The following SLC44A5 variants were observed in gnomAD, a reference collection of about 807,000 sequenced individuals.
SLC44A5 encodes choline transporter-like protein 5.
In SLC44A5, 57 loss-of-function variants were observed where a neutral mutation model predicts 101.8. The ratio of observed to expected loss-of-function variants is 0.56; its 90% CI spans 0.45 to 0.70. The LOEUF (loss-of-function observed/expected upper bound fraction) is 0.70. Among genes scored for constraint, SLC44A5 ranks in the 30% least tolerant of loss-of-function variants. The pLI is 0.00. For missense variants in SLC44A5, 737 were observed against 853.1 expected, an observed-to-expected ratio of 0.86 and a Z score of 1.70; for synonymous variants, 281 against 290.9, an observed-to-expected ratio of 0.97 and a Z score of 0.35.
chr1:75,608,523 T>C (rs759256188), intron 1 of SLC44A5, among the ~76,000 whole-genome samples: 5 of 152,048 alleles, frequency 3.3e-5, no homozygotes, highest in Non-Finnish European at 7.4e-5. Flanking sequence ...AGTCAGATCA[T>C]ATTTTTCCTC....
intron 6 of SLC44A5, among the ~76,000 whole-genome samples, chr1:75,254,745 A>T (rs1441682677): frequency 6.6e-6 from 1 of 152,128 alleles, no homozygotes; most frequent in African/African-American, 2.4e-5. Context: ...ATCATGAAAC[A>T]TGCTAGACTG....
chr1:75,703,592 C>T, the SLC44A5 span, among the ~76,000 whole-genome samples: 3 of 151,604 alleles, frequency 2.0e-5, no homozygotes, highest in East Asian at 1.9e-4. Context: ...AGCACACCAA[C>T]ATGTCACATG....
chr1:75,386,947 C>A (rs533586654), intron 3 of SLC44A5, among the ~76,000 whole-genome samples: 12 of 151,782 alleles, frequency 7.9e-5, no homozygotes, highest in Admixed American at 2.6e-4. Flanking sequence ...CTGAAAAAAA[C>A]AAGCAATGGG....
At chr1:75,661,387 T>TAAG in the SLC44A5 span, among the ~76,000 whole-genome samples, 1 of 53,600 alleles carries the variant, frequency 1.9e-5, no homozygotes. Context: ...CTACTGCAAG[T>TAAG]AAAAAAAAAA....
chr1:75,376,422 G>A (rs1390959199), intron 3 of SLC44A5, among the ~76,000 whole-genome samples: 1 of 152,138 alleles, frequency 6.6e-6, no homozygotes, highest in African/African-American at 2.4e-5. Flanking sequence ...AACCTCTGCA[G>A]ACTTAAATGT....
chr1:75,671,878 A>T, the SLC44A5 span, among the ~76,000 whole-genome samples: 1 of 152,204 alleles, frequency 6.6e-6, no homozygotes, highest in Non-Finnish European at 1.5e-5. Context: ...TTATTTTCAC[A>T]TGGATTCTTA....
rs146874436 is a variant in SLC44A5, at chr1:75,494,569, C to A, written c.13+46866G>T. The stretch of plus-strand genomic sequence containing the variant: ...AGAGCTCCTTCTCTGGGAATAAAAC[C>A]AAGCCTCCAACTTCTCCCTAGGAGT... On this transcript the variant is annotated intron_variant, in intron 2 of 23. Transcript: ENST00000370859. 4.3e-3 allele frequency among the ~76,000 whole-genome samples: 654 copies of A among 152,232 alleles called. 1 individual carries two copies. The highest frequency in any genetic ancestry group is 0.015 in the African/African-American group (628 of 41,546).
At chr1:75,585,426 T>C (rs1344649856) in intron 1 of SLC44A5, among the ~76,000 whole-genome samples, 1 of 152,222 alleles carries the variant, frequency 6.6e-6, no homozygotes, top group Non-Finnish European at 1.5e-5. Context: ...TCTCGAAGCC[T>C]CAATATTCAT....
chr1:75,374,013 A>T (rs1660401977), intron 3 of SLC44A5, among the ~76,000 whole-genome samples: 1 of 152,104 alleles, frequency 6.6e-6, no homozygotes, highest in Non-Finnish European at 1.5e-5. Context: ...CCTCCACCAG[A>T]CCAGTCCAGA....
intron 2 of SLC44A5, among the ~76,000 whole-genome samples, chr1:75,399,905 G>A (rs914029758): frequency 2.0e-5 from 3 of 152,062 alleles, no homozygotes; most frequent in Non-Finnish European, 4.4e-5. Flanking sequence ...AGAACTGTTC[G>A]AAATACCAAA....
the SLC44A5 span, among the ~76,000 whole-genome samples, chr1:75,702,387 T>C: frequency 6.6e-6 from 1 of 152,086 alleles, no homozygotes; most frequent in East Asian, 1.9e-4. Flanking sequence ...TTGACAAACC[T>C]GATAAAAACA....
rs755473811 is a variant in SLC44A5, at chr1:75,237,082, G to A, written c.657-12C>T. 8 of 1,548,674 alleles carry A rather than the reference G, an allele frequency of 5.2e-6. No homozygotes were observed. The highest frequency in any genetic ancestry group is 7.1e-6 in the Non-Finnish European group (8 of 1,125,580). ...GTTTATTGATACCACTGCATTGAAA[G>A]AAGGGAAAAAATCAATTATTTTTTG... On this transcript the variant is annotated splice_polypyrimidine_tract_variant and intron_variant, in intron 10 of 23. Coordinates refer to ENST00000370859, the MANE Select transcript of SLC44A5 (RefSeq NM_001130058.2).
At chr1:75,536,136 C>G (rs1004597422) in intron 2 of SLC44A5, among the ~76,000 whole-genome samples, 1 of 151,822 alleles carries the variant, frequency 6.6e-6, no homozygotes, top group Non-Finnish European at 1.5e-5. Flanking sequence ...GTAGAAAGGA[C>G]TTGATAGGGA....
chr1:75,625,650 GC>G, the SLC44A5 span, among the ~76,000 whole-genome samples: 1 of 152,034 alleles, frequency 6.6e-6, no homozygotes, highest in African/African-American at 2.4e-5. Context: ...CAATTTTTGA[GC>G]CCCTATTTGG....
intron 4 of SLC44A5, among the ~76,000 whole-genome samples, chr1:75,317,405 T>C (rs930958455): frequency 2.6e-5 from 4 of 152,256 alleles, no homozygotes; most frequent in African/African-American, 9.6e-5. Context: ...TACTGGTTGC[T>C]GGAATAGATA....
chr1:75,332,109 T>C (rs1169456161), intron 4 of SLC44A5, among the ~76,000 whole-genome samples: 1 of 152,192 alleles, frequency 6.6e-6, no homozygotes, highest in Non-Finnish European at 1.5e-5. Flanking sequence ...GGGCATGTAA[T>C]AGATGCCCAT....
chr1:75,645,951 T>C, the SLC44A5 span, among the ~76,000 whole-genome samples: 2 of 132,122 alleles, frequency 1.5e-5, 1 homozygote, highest in Admixed American at 1.5e-4. Context: ...TAGATGTGTG[T>C]TATTATTTCT....
chr1:75,536,624 A>AAG lies in SLC44A5; in HGVS notation c.13+4810_13+4811insCT, dbSNP rs58064515. 1.2e-4 allele frequency among the ~76,000 whole-genome samples: 5 copies of AAG among 42,458 alleles called. No individual in the cohort carries two copies. The Admixed American group carries it at 1.3e-3, about 11-fold the overall frequency. The allele number at this position is 42,458 out of a possible 152,430, so 27.9% of individuals were successfully genotyped here. ...TCAAAAAAAAAAAAAAAAGAAAAGA[A>AAG]AAGAAAGAAAAAAAAAGCCTGGCCC... On this transcript the variant is annotated intron_variant, in intron 2 of 23. Transcript: ENST00000370859.
chr1:75,697,873 G>A, the SLC44A5 span, among the ~76,000 whole-genome samples: 9 of 152,206 alleles, frequency 5.9e-5, no homozygotes, highest in South Asian at 4.1e-4. Flanking sequence ...CCCTTTCCTA[G>A]TCAAAGAAAG....
Sources: allele counts gnomAD v4.1 joint callset (sites outside exome capture counted in the v4.1 genomes callset), GRCh38; gene constraint gnomAD v4.1.1; transcripts MANE v1.5; gene names NCBI Gene and HGNC (gene_info 2026-07-23, HGNC 2026-07-21).